The following CDH12 variants were observed in gnomAD, a reference collection of about 807,000 sequenced individuals.
The protein encoded by CDH12 is cadherin-12.
CDH12 carries 41 observed loss-of-function variants against 74.1 expected under a neutral mutation model. The ratio of observed to expected loss-of-function variants is 0.55; its 90% CI spans 0.43 to 0.72. CDH12 has a LOEUF of 0.72. Ranked by LOEUF, CDH12 falls within the 30% of genes least tolerant of loss-of-function variation. CDH12 has a pLI of 0.00. For synonymous variants in CDH12, 399 were observed against 355.0 expected (o/e 1.12, Z -1.39); for missense variants, 945 against 977.2 (o/e 0.97, Z 0.44).
intron 4 of CDH12, among the ~76,000 whole-genome samples, chr5:22,097,870 C>A (rs942498401): frequency 1.3e-5 from 2 of 152,180 alleles, no homozygotes; most frequent in Admixed American, 6.5e-5. Context: ...AGCCTGTTAT[C>A]TCTCACCTGC....
chr5:22,765,776 C>T (rs1746477724), intron 1 of CDH12, among the ~76,000 whole-genome samples: 1 of 151,542 alleles, frequency 6.6e-6, no homozygotes, highest in Non-Finnish European at 1.5e-5. Context: ...AAGCAAATAT[C>T]ATGTATTTGC....
At chr5:22,481,474 A>G (rs1223011967) in intron 2 of CDH12, among the ~76,000 whole-genome samples, 3 of 152,194 alleles carry the variant, frequency 2.0e-5, no homozygotes, top group Admixed American at 6.5e-5. Flanking sequence ...CTACAGATGA[A>G]TTGATAGAGA....
chr5:22,398,189 G>A (rs955098362), intron 3 of CDH12, among the ~76,000 whole-genome samples: 4 of 152,060 alleles, frequency 2.6e-5, no homozygotes, highest in Non-Finnish European at 5.9e-5. Context: ...ATGGCAAATT[G>A]CTGGGTTGAA....
intron 3 of CDH12, among the ~76,000 whole-genome samples, chr5:22,384,979 A>G (rs1741938988): frequency 6.6e-6 from 1 of 152,218 alleles, no homozygotes; most frequent in Admixed American, 6.5e-5. Context: ...ACAAAATAAA[A>G]ATTATGTTAA....
intron 1 of CDH12, among the ~76,000 whole-genome samples, chr5:22,563,505 T>C (rs774440049): frequency 6.6e-6 from 1 of 152,176 alleles, no homozygotes; most frequent in Non-Finnish European, 1.5e-5. Flanking sequence ...AGTTTGCAAA[T>C]ATTTTCTCCC....
chr5:22,665,457 T>C (rs186849828), intron 1 of CDH12, among the ~76,000 whole-genome samples: 2 of 152,240 alleles, frequency 1.3e-5, no homozygotes, highest in East Asian at 3.9e-4. Context: ...AAAGTAATAA[T>C]ATTGCAGAGA....
chr5:22,539,931 A>G (rs1738025142), intron 1 of CDH12, among the ~76,000 whole-genome samples: 1 of 152,202 alleles, frequency 6.6e-6, no homozygotes, highest in South Asian at 2.1e-4. Flanking sequence ...ATGTTAAGAC[A>G]GCTATCAGAC....
intron 5 of CDH12, among the ~76,000 whole-genome samples, chr5:22,028,134 T>A (rs1197029910): frequency 2.0e-5 from 3 of 151,962 alleles, no homozygotes; most frequent in Non-Finnish European, 4.4e-5. Context: ...TTTGAGTGAG[T>A]TTCTTAATCC....
intron 10 of CDH12, among the ~76,000 whole-genome samples, chr5:21,793,659 C>T (rs377220167): frequency 4.0e-5 from 6 of 151,668 alleles, no homozygotes; most frequent in Non-Finnish European, 1.5e-5. Context: ...CATTTGAAAC[C>T]TAAATATAGA....
intron 5 of CDH12, among the ~76,000 whole-genome samples, chr5:22,065,165 T>C (rs921322652): frequency 6.6e-6 from 1 of 152,118 alleles, no homozygotes; most frequent in Admixed American, 6.6e-5. Flanking sequence ...ACCTCACTGC[T>C]CTCTTTGATT....
At chr5:22,566,297 G>A (rs1305119391) in intron 1 of CDH12, among the ~76,000 whole-genome samples, 1 of 151,080 alleles carries the variant, frequency 6.6e-6, no homozygotes, top group Non-Finnish European at 1.5e-5. Flanking sequence ...GAGTGCAGTG[G>A]CACAATCTCC....
intron 6 of CDH12, among the ~76,000 whole-genome samples, chr5:21,900,156 A>C (rs1753317910): frequency 6.6e-6 from 1 of 152,160 alleles, no homozygotes; most frequent in South Asian, 2.1e-4. Flanking sequence ...CACTTTTGGC[A>C]CTAGCTCTCT....
At chr5:22,623,447 A>C (rs1352190977) in intron 1 of CDH12, among the ~76,000 whole-genome samples, 1 of 152,236 alleles carries the variant, frequency 6.6e-6, no homozygotes, top group African/African-American at 2.4e-5. Flanking sequence ...CCTTAAGCTG[A>C]TAAGCAAATT....
intron 5 of CDH12, among the ~76,000 whole-genome samples, chr5:22,005,939 G>A (rs560229798): frequency 1.3e-5 from 2 of 152,080 alleles, no homozygotes; most frequent in Admixed American, 1.3e-4. Context: ...GCAGCTTATA[G>A]GTCACCTTTG....
chr5:22,313,210 C>T (rs1160630483), intron 3 of CDH12, among the ~76,000 whole-genome samples: 2 of 152,118 alleles, frequency 1.3e-5, no homozygotes, highest in African/African-American at 2.4e-5. Context: ...CACATAAATG[C>T]CCCAAGGACC....
intron 1 of CDH12, among the ~76,000 whole-genome samples, chr5:22,538,188 A>G (rs1737945648): frequency 6.6e-6 from 1 of 152,004 alleles, no homozygotes; most frequent in African/African-American, 2.4e-5. Context: ...TCTTTCATTA[A>G]CTACCATCTC....
chr5:21,784,088 T>A (rs546498738), intron 10 of CDH12, among the ~76,000 whole-genome samples: 14 of 152,268 alleles, frequency 9.2e-5, no homozygotes, highest in African/African-American at 2.9e-4. Context: ...CAGGTCAACA[T>A]TAGAAAAACA....
intron 6 of CDH12, among the ~76,000 whole-genome samples, chr5:21,949,366 C>T (rs1201066939): frequency 2.7e-5 from 4 of 149,840 alleles, no homozygotes; most frequent in African/African-American, 4.9e-5. Context: ...AGGAGAATGG[C>T]GTGAACCCAG....
chr5:22,199,636 A>G (rs1179134287), intron 4 of CDH12, among the ~76,000 whole-genome samples: 1 of 152,150 alleles, frequency 6.6e-6, no homozygotes, highest in Admixed American at 6.5e-5. Context: ...TTAGCATCCC[A>G]TAGAGAAAAA....
Sources: allele counts gnomAD v4.1 joint callset (sites outside exome capture counted in the v4.1 genomes callset), GRCh38; gene constraint gnomAD v4.1.1; transcripts MANE v1.5; gene names NCBI Gene and HGNC (gene_info 2026-07-23, HGNC 2026-07-21).